Variants in SH2D6 observed in about 807,000 individuals in gnomAD.
SH2D6 encodes the protein SH2 domain-containing protein 6.
In SH2D6, 31 loss-of-function variants were observed where a neutral mutation model predicts 30.2. The ratio of observed to expected loss-of-function variants is 1.03; its 90% confidence interval spans 0.77 to 1.38. SH2D6 has a LOEUF of 1.38. Among genes scored for constraint, SH2D6 ranks in the 40% most tolerant of loss-of-function variants. The pLI is 0.00. For missense variants in SH2D6, 240 were observed against 266.8 expected, an observed-to-expected ratio of 0.90 and a Z score of 0.70; for synonymous variants, 93 against 104.6, an observed-to-expected ratio of 0.89 and a Z score of 0.68.
intron 14 of SH2D6, among the ~76,000 whole-genome samples, chr2:85,432,859 AAAGTCATTTGGAGCCAGGCCTGCC>A (rs1481366476): frequency 1.3e-5 from 2 of 152,212 alleles, no homozygotes; most frequent in Non-Finnish European, 2.9e-5. Flanking sequence ...TGAACAGTCC[AAAGTCATTTGGAGCCAGGCCTGCC>A]AAGTCAGTTG....
chr2:85,435,556 G>A lies in SH2D6; in HGVS notation c.732+60G>A, dbSNP rs563748284. ...CCCCTTTTGCTCACAGGCTGTGGCT[G>A]GCCGAGCAGTGGGGAGCAGGAGGGC... On this transcript the variant is annotated intron_variant, in intron 21 of 23. Coordinates refer to ENST00000469800, the MANE Select transcript of SH2D6 (RefSeq NM_001394463.1). The A allele has an allele frequency of 9.3e-5, 149 of 1,597,458 alleles. 2 individuals carry two copies. The African/African-American group carries it at 1.8e-3, about 19-fold the overall frequency.
chr2:85,435,462 A>G lies in SH2D6; in HGVS notation c.698A>G (p.Tyr233Cys), dbSNP rs781621778. 8 of 1,613,776 alleles carry G rather than the reference A, an allele frequency of 5.0e-6. No individual in the cohort carries two copies. Among genetic ancestry groups the G allele is most frequent in the Admixed American group, 1.7e-5 (1 of 60,004 alleles). ...TGGTACTCGGGGAACTGTGACCGCT[A>G]TGCTGTTGAGAGTGCCCTGCTCCAC... ...QPWYSGNCDR[Y>C]AVESALLHLQ... Residue 233 changes from tyrosine (Y) to cysteine (C), a missense_variant, in exon 21 of 24, where the codon TAT (tyrosine) becomes TGT (cysteine). Tyr to Cys is a radical substitution (Grantham distance 194). Coordinates refer to ENST00000469800, the MANE Select transcript of SH2D6 (RefSeq NM_001394463.1).
Position 85,430,964 on chromosome 2 carries a change from C to T in SH2D6, c.251-246C>T, listed in dbSNP as rs1688545523. Among the ~76,000 whole-genome samples, 1 of 152,098 alleles carries T rather than the reference C, an allele frequency of 6.6e-6. No homozygotes were observed. The highest frequency in any genetic ancestry group is 6.5e-5 in the Admixed American group (1 of 15,284). On this transcript the variant is annotated intron_variant, in intron 12 of 23. Transcript: ENST00000469800. The surrounding 1 kb of genome is among the most constrained non-coding windows in gnomAD (Gnocchi z 4.3). ...TCCCAACACTTCTTCAGGCCAAGGG[C>T]GGGGGTGCTGGGAGAGCCCCGGCTG...
intron 22 of SH2D6, 82 bp from the exon 23 acceptor site, chr2:85,436,384 G>A: frequency 1.0e-6 from 1 of 998,892 alleles, no homozygotes; most frequent in South Asian, 1.3e-5. Flanking sequence ...AAGTCCCCTT[G>A]CCAGAGTCCC....
intron 2 of SH2D6, among the ~76,000 whole-genome samples, chr2:85,419,999 C>A (rs992227233): frequency 6.6e-6 from 1 of 152,080 alleles, no homozygotes; most frequent in African/African-American, 2.4e-5. Flanking sequence ...GTTGAGTAGC[C>A]CTTTTGCCCC....
At chr2:85,429,285 G>C (rs1340918658) in intron 7 of SH2D6, 87 bp from the exon 8 acceptor site, 1 of 152,358 alleles carries the variant, frequency 6.6e-6, no homozygotes, top group East Asian at 1.9e-4. Context: ...GGGAGGCTCA[G>C]AGACCTGGGG....
At chr2:85,423,998 G>T (rs570121147) in intron 5 of SH2D6, among the ~76,000 whole-genome samples, 1 of 152,310 alleles carries the variant, frequency 6.6e-6, no homozygotes, top group South Asian at 2.1e-4. Flanking sequence ...ACCCTTGTGG[G>T]ACCTTCTTCT....
chr2:85,433,661 C>A, intron 16 of SH2D6, 30 bp downstream of exon 16: 1 of 1,050,116 alleles, frequency 9.5e-7, no homozygotes, highest in Non-Finnish European at 1.2e-6. Context: ...CCAGACCCCT[C>A]CTGCCCGAGG....
At chr2:85,434,152 G>A (rs1356834265) in intron 17 of SH2D6, 41 bp downstream of exon 17, 3 of 1,538,532 alleles carry the variant, frequency 1.9e-6, no homozygotes. Context: ...GTATGTATGT[G>A]AGACACAGAG....
intron 13 of SH2D6, among the ~76,000 whole-genome samples, chr2:85,431,664 T>G (rs1454618977): frequency 1.3e-5 from 2 of 152,206 alleles, no homozygotes; most frequent in African/African-American, 4.8e-5. Context: ...CAGTGGGACT[T>G]TATGGATTTT....
chr2:85,426,501 G>GC (rs1281619524), intron 6 of SH2D6, among the ~76,000 whole-genome samples: 1 of 152,082 alleles, frequency 6.6e-6, no homozygotes, highest in African/African-American at 2.4e-5. Context: ...AGAGGGTCCT[G>GC]CCCCATACTC....
intron 2 of SH2D6, among the ~76,000 whole-genome samples, chr2:85,420,213 TCCTGCCTCAG>T (rs1403267463): frequency 6.6e-6 from 1 of 152,150 alleles, no homozygotes; most frequent in Non-Finnish European, 1.5e-5. Context: ...TAAGCGGTTC[TCCTGCCTCAG>T]CCTGCCTCAG....
Position 85,428,656 on chromosome 2 carries a change from A to T in SH2D6, c.-136A>T, listed in dbSNP as rs958495272. On this transcript the variant is annotated 5_prime_UTR_variant, in exon 7 of 24. Coordinates refer to ENST00000469800, the MANE Select transcript of SH2D6 (RefSeq NM_001394463.1). Reference sequence around the variant, plus strand: ...AGAAGAGAGGCCGCATCACAAACCAACCTTTATGGCACCTTGATCTTAGAC... The same window carrying T: ...AGAAGAGAGGCCGCATCACAAACCATCCTTTATGGCACCTTGATCTTAGAC... 1 of 152,094 alleles carries T rather than the reference A, an allele frequency of 6.6e-6. No individual in the cohort carries two copies. Among genetic ancestry groups the T allele is most frequent in the Non-Finnish European group, 1.5e-5 (1 of 68,006 alleles). 9.4% of individuals were successfully genotyped at this position (152,094 alleles called of 1,614,324 possible).
chr2:85,434,727 C>T, intron 19 of SH2D6: 1 of 1,435,284 alleles, frequency 7.0e-7, no homozygotes, highest in Non-Finnish European at 9.1e-7. Flanking sequence ...TCCCTCAGGC[C>T]CCAAGTTACT....
chr2:85,436,573 C>T lies in SH2D6; in HGVS notation c.999C>T (p.Thr333=). The change falls in exon 23 of 24, where the codon ACC becomes ACT. Residue 333 remains threonine (T), a synonymous_variant. Transcript: ENST00000469800. ...AACTCACCTGCCTGCTCTTCCCCAC[C>T]AAGCCTTGAGGCCACAGCGAAGTAC... ...SRELTCLLFP[T]KP is the part of the protein sequence containing the mutation. 2 of 1,613,738 alleles carry T rather than the reference C, an allele frequency of 1.2e-6. No homozygotes were observed. Among genetic ancestry groups the T allele is most frequent in the Non-Finnish European group, 8.5e-7 (1 of 1,179,898 alleles).
At chr2:85,436,669 C>A in intron 23 of SH2D6, 75 bp downstream of exon 23, 1 of 1,033,250 alleles carries the variant, frequency 9.7e-7, no homozygotes, top group Non-Finnish European at 1.5e-6. Context: ...TCCTTCCCCA[C>A]CCCTCCTCAC....
intron 5 of SH2D6, among the ~76,000 whole-genome samples, chr2:85,425,081 A>G (rs1374235859): frequency 6.6e-6 from 1 of 151,964 alleles, no homozygotes; most frequent in Middle Eastern, 3.2e-3. Context: ...AAATAAATAA[A>G]TAAATAAATA....
chr2:85,434,962 G>A (rs1027526314), intron 19 of SH2D6, 103 bp from the exon 20 acceptor site: 5 of 1,592,844 alleles, frequency 3.1e-6, no homozygotes, highest in East Asian at 2.3e-5. Flanking sequence ...GGCCATGTAC[G>A]CCTCCTCCTA....
chr2:85,433,692 AAC>A, intron 16 of SH2D6, 61 bp downstream of exon 16: 2 of 1,061,816 alleles, frequency 1.9e-6, no homozygotes, highest in Non-Finnish European at 2.3e-6. Flanking sequence ...CTCACAGCAC[AAC>A]ACACTCTCCT....
Sources: gnomAD v4.1 joint callset for allele counts (sites outside exome capture counted in the v4.1 genomes callset) on GRCh38, gnomAD v4.1.1 for gene constraint, Gnocchi (gnomAD v3.1) non-coding constraint, MANE v1.5 for transcripts, NCBI Gene and HGNC (gene_info 2026-07-23, HGNC 2026-07-21) for gene names.